The following XKR9 variants were observed in gnomAD, a reference collection of about 807,000 sequenced individuals.
XKR9 encodes the protein XK related 9.
In XKR9, 32 loss-of-function variants were observed where a neutral mutation model predicts 32.0. The ratio of observed to expected loss-of-function variants is 1.00; its 90% CI spans 0.76 to 1.34. XKR9 has a LOEUF of 1.34. XKR9 is among the 40% of genes most tolerant of loss of function. The pLI, the probability that XKR9 is intolerant of heterozygous loss-of-function variation, is 0.00. For missense variants in XKR9, 546 were observed against 429.7 expected, an observed-to-expected ratio of 1.27 and a Z score of -2.39; for synonymous variants, 168 against 143.4, an observed-to-expected ratio of 1.17 and a Z score of -1.22.
rs1370182405 is a variant in XKR9, at chr8:70,733,966, CT to C, written c.666del (p.Leu223TyrfsTer4). 1 of 1,612,308 alleles carries C rather than the reference CT, an allele frequency of 6.2e-7. No homozygotes were observed. The highest frequency in any genetic ancestry group is 1.3e-5 in the African/African-American group (1 of 74,818). ...ATTATCGTGGATGCTGAGTGTTGTACTTCTACTATTCTTAAATGTTAAGATT... is the reference window on the plus strand; with the variant it reads ...ATTATCGTGGATGCTGAGTGTTGTACTCTACTATTCTTAAATGTTAAGATT... ...TLLSWMLSVV[L>X]LLFLNVKIAL... On this transcript the variant is annotated frameshift_variant, in exon 5 of 5. Coordinates refer to ENST00000408926, the MANE Select transcript of XKR9 (RefSeq NM_001011720.2). LOFTEE classifies it high-confidence loss of function.
At chr8:70,923,760 T>G in the XKR9 span, among the ~76,000 whole-genome samples, 1 of 152,070 alleles carries the variant, frequency 6.6e-6, no homozygotes, top group Admixed American at 6.5e-5. Flanking sequence ...TTAGTTTGGG[T>G]TTTGTGGGAT....
the XKR9 span, among the ~76,000 whole-genome samples, chr8:70,929,833 C>T: frequency 6.6e-6 from 1 of 152,172 alleles, no homozygotes; most frequent in African/African-American, 2.4e-5. Context: ...CAGGCCCACC[C>T]AGTTAATCTC....
At chr8:70,743,778 A>C (rs1413063326) in intron 2 of XKR9, among the ~76,000 whole-genome samples, 9 of 151,938 alleles carry the variant, frequency 5.9e-5, no homozygotes. Flanking sequence ...GGGCCTTAAA[A>C]CCACTAAAAC....
chr8:71,005,748 G>A, the XKR9 span, among the ~76,000 whole-genome samples: 1 of 152,172 alleles, frequency 6.6e-6, no homozygotes, highest in African/African-American at 2.4e-5. Flanking sequence ...CTCATTGTAT[G>A]AGTCCAGTAG....
chr8:70,859,329 A>G, the XKR9 span, among the ~76,000 whole-genome samples: 10 of 152,126 alleles, frequency 6.6e-5, no homozygotes, highest in African/African-American at 1.2e-4. Flanking sequence ...AATGTCTTTT[A>G]TCAAAAAGAC....
chr8:70,688,351 C>T (rs769210377), intron 3 of XKR9, among the ~76,000 whole-genome samples: 18 of 152,032 alleles, frequency 1.2e-4, no homozygotes, highest in African/African-American at 2.4e-4. Context: ...GAGTTCTCCC[C>T]GTCACCCATA....
chr8:70,911,074 A>G, the XKR9 span, among the ~76,000 whole-genome samples: 1 of 152,236 alleles, frequency 6.6e-6, no homozygotes, highest in African/African-American at 2.4e-5. Flanking sequence ...ATCCAGGCTT[A>G]GCTCCTTCTG....
the XKR9 span, among the ~76,000 whole-genome samples, chr8:70,891,927 C>A: frequency 6.6e-6 from 1 of 151,908 alleles, no homozygotes; most frequent in Non-Finnish European, 1.5e-5. Context: ...GCTTTATATA[C>A]CTGAGTGCTG....
At chr8:70,917,017 A>C in the XKR9 span, among the ~76,000 whole-genome samples, 15 of 152,208 alleles carry the variant, frequency 9.9e-5, no homozygotes, top group South Asian at 2.7e-3. Context: ...ATGTTGCTTC[A>C]CTGTCCATGA....
In XKR9 at chr8:70,706,533, A is replaced by G. The variant is rs540449942; in HGVS notation, c.273-400A>G. Among the ~76,000 whole-genome samples the G allele has an allele frequency of 5.3e-5, 8 of 152,212 alleles. No homozygotes were observed. The South Asian group carries it at 8.3e-4, about 16-fold the overall frequency. On this transcript the variant is annotated intron_variant, in intron 3 of 4. Transcript: ENST00000408926. Reference sequence around the variant, plus strand: ...TGTCTTTCAGAAAGTAGTGGTTAATACTAGAAATAATAAGATCTGGGTTTG... The same window carrying G: ...TGTCTTTCAGAAAGTAGTGGTTAATGCTAGAAATAATAAGATCTGGGTTTG...
chr8:70,708,146 A>G (rs1431463928), intron 4 of XKR9, among the ~76,000 whole-genome samples: 1 of 151,910 alleles, frequency 6.6e-6, no homozygotes, highest in Non-Finnish European at 1.5e-5. Flanking sequence ...TGTGTATGAG[A>G]TCTCTATTGT....
chr8:70,976,613 G>A, the XKR9 span, among the ~76,000 whole-genome samples: 12 of 152,152 alleles, frequency 7.9e-5, no homozygotes, highest in Admixed American at 7.9e-4. Context: ...GCTGGATTCA[G>A]TTTGCCAGTA....
chr8:70,962,958 C>CT, the XKR9 span, among the ~76,000 whole-genome samples: 8 of 151,716 alleles, frequency 5.3e-5, no homozygotes, highest in East Asian at 5.8e-4. Context: ...AGTACAATTT[C>CT]TTTTTTTTTC....
the XKR9 span, among the ~76,000 whole-genome samples, chr8:70,889,748 A>G: frequency 6.6e-6 from 1 of 151,906 alleles, no homozygotes; most frequent in Admixed American, 6.6e-5. Flanking sequence ...AAAGGACATC[A>G]TTTCATTATT....
chr8:70,747,278 T>C (rs958556029), intron 2 of XKR9, among the ~76,000 whole-genome samples: 2 of 152,210 alleles, frequency 1.3e-5, no homozygotes, highest in Non-Finnish European at 2.9e-5. Context: ...TACCCAGTAA[T>C]GGTATTGCTG....
chr8:70,891,862 C>T, the XKR9 span, among the ~76,000 whole-genome samples: 1 of 151,940 alleles, frequency 6.6e-6, no homozygotes, highest in African/African-American at 2.4e-5. Flanking sequence ...ATGTTGAAGT[C>T]CCCAAGCTAT....
At chr8:70,794,697 G>A (rs559747629), downstream of XKR9, among the ~76,000 whole-genome samples, 1 of 151,936 alleles carries the variant, frequency 6.6e-6, no homozygotes, top group Admixed American at 6.6e-5. Flanking sequence ...CCTGGAATAA[G>A]TCCTACTTAT....
the XKR9 span, among the ~76,000 whole-genome samples, chr8:70,988,146 G>C: frequency 1.3e-5 from 2 of 152,054 alleles, no homozygotes; most frequent in Admixed American, 6.5e-5. Flanking sequence ...TATAATGAGA[G>C]GGCTCCCACT....
chr8:70,716,930 A>G (rs944201985), intron 4 of XKR9, among the ~76,000 whole-genome samples: 3 of 151,464 alleles, frequency 2.0e-5, no homozygotes, highest in African/African-American at 7.2e-5. Context: ...TTGAGTAAAT[A>G]CACCCATTCC....
Sources: gnomAD v4.1 joint callset for allele counts (sites outside exome capture counted in the v4.1 genomes callset) on GRCh38, gnomAD v4.1.1 for gene constraint, MANE v1.5 for transcripts, NCBI Gene and HGNC (gene_info 2026-07-23, HGNC 2026-07-21) for gene names.